TFDP2: variants seen among roughly 807,000 people sequenced by gnomAD.
The protein encoded by TFDP2 is transcription factor Dp-2, also known as transcription factor Dp-2 (E2F dimerization partner 2).
In TFDP2, 17 loss-of-function variants were observed where a neutral mutation model predicts 59.3. The ratio of observed to expected loss-of-function variants is 0.29; its 90% CI spans 0.20 to 0.43. The LOEUF is 0.43. Ranked by LOEUF, TFDP2 falls within the 20% of genes least tolerant of loss-of-function variation. The probability of loss-of-function intolerance (pLI) is 1.00; values close to 1 mark genes in which losing one functional copy is unlikely to be tolerated. For synonymous variants in TFDP2, 180 were observed against 194.7 expected (o/e 0.92, Z 0.63); for missense variants, 391 against 528.8 (o/e 0.74, Z 2.56).
At chr3:141,999,613 A>T (rs1943581803) in intron 4 of TFDP2, among the ~76,000 whole-genome samples, 1 of 152,200 alleles carries the variant, frequency 6.6e-6, no homozygotes, top group African/African-American at 2.4e-5. Flanking sequence ...AAAACTTTTC[A>T]TGGGGCCTTT....
At chr3:142,038,294 G>T (rs1229782340) in intron 3 of TFDP2, among the ~76,000 whole-genome samples, 1 of 146,896 alleles carries the variant, frequency 6.8e-6, no homozygotes, top group African/African-American at 2.5e-5. Context: ...TGAGGCAAGA[G>T]AATGGCGTGA....
intron 3 of TFDP2, among the ~76,000 whole-genome samples, chr3:142,072,732 TA>T (rs2060288556): frequency 6.6e-6 from 1 of 151,952 alleles, no homozygotes; most frequent in Non-Finnish European, 1.5e-5. Flanking sequence ...AGCAAGAAAA[TA>T]AAAGTAGTAT....
intron 3 of TFDP2, among the ~76,000 whole-genome samples, chr3:142,035,422 A>G (rs1946646842): frequency 6.6e-6 from 1 of 152,220 alleles, no homozygotes; most frequent in Admixed American, 6.5e-5. Context: ...AGTATGTCTA[A>G]TCAAGAGTCT....
chr3:142,022,067 T>G, intron 3 of TFDP2, among the ~76,000 whole-genome samples: 1 of 152,224 alleles, frequency 6.6e-6, no homozygotes, highest in East Asian at 1.9e-4. Context: ...TTCCTAGTTT[T>G]GAAATGTATC....
At chr3:141,956,466 C>A (rs1412303079) in intron 11 of TFDP2, among the ~76,000 whole-genome samples, 2 of 151,864 alleles carry the variant, frequency 1.3e-5, no homozygotes, top group African/African-American at 4.8e-5. Context: ...ACAGGAGAAT[C>A]GCCTGAACCC....
At chr3:141,953,758 A>G (rs11569281) in intron 11 of TFDP2, among the ~76,000 whole-genome samples, 10,873 of 146,856 alleles carry the variant, frequency 0.074, 516 homozygotes, top group Non-Finnish European at 0.11. Context: ...CATTAGGTAT[A>G]TCTCCTAATG....
chr3:142,103,662 G>A (rs187857486), intron 1 of TFDP2, among the ~76,000 whole-genome samples: 2 of 152,292 alleles, frequency 1.3e-5, no homozygotes, highest in Non-Finnish European at 2.9e-5. Context: ...GAATCTGGGT[G>A]AAGGGCATCT....
At chr3:142,039,968 G>A (rs550095654) in intron 3 of TFDP2, among the ~76,000 whole-genome samples, 2 of 152,282 alleles carry the variant, frequency 1.3e-5, no homozygotes, top group African/African-American at 4.8e-5. Context: ...CTCCAGACTA[G>A]GTTGACTCAA....
chr3:142,129,978 T>G (rs1296495801), intron 1 of TFDP2, among the ~76,000 whole-genome samples: 1 of 152,052 alleles, frequency 6.6e-6, no homozygotes, highest in East Asian at 1.9e-4. Context: ...AGAATACTTG[T>G]GCCCTGCTGG....
At chr3:142,073,231 A>T (rs1327036777) in intron 3 of TFDP2, among the ~76,000 whole-genome samples, 2 of 152,094 alleles carry the variant, frequency 1.3e-5, no homozygotes, top group Non-Finnish European at 2.9e-5. Context: ...CACCATGCCC[A>T]GTTAATTTTT....
intron 1 of TFDP2, among the ~76,000 whole-genome samples, chr3:142,132,573 G>A (rs56080851): frequency 0.085 from 12,713 of 148,824 alleles, 790 homozygotes; most frequent in Middle Eastern, 0.14. Flanking sequence ...ATGAAACCCC[G>A]TCTCTAGAAA....
At chr3:141,983,440 C>T (rs1941703465) in intron 6 of TFDP2, among the ~76,000 whole-genome samples, 1 of 151,936 alleles carries the variant, frequency 6.6e-6, no homozygotes, top group African/African-American at 2.4e-5. Context: ...AGTTAGAGAC[C>T]AGCCTGGCCA....
intron 3 of TFDP2, among the ~76,000 whole-genome samples, chr3:142,073,377 G>A (rs1242553872): frequency 6.9e-6 from 1 of 144,906 alleles, no homozygotes; most frequent in Admixed American, 7.4e-5. Flanking sequence ...TAAGCCTAAA[G>A]CTGTTCTAAA....
intron 3 of TFDP2, among the ~76,000 whole-genome samples, chr3:142,050,287 A>T (rs1474512983): frequency 6.6e-6 from 1 of 151,346 alleles, no homozygotes; most frequent in African/African-American, 2.4e-5. Flanking sequence ...TAATAAAAAA[A>T]AAAGATCCTT....
rs573906286 is a variant in TFDP2, at chr3:142,146,502, C to T, written c.-93+2681G>A. On this transcript the variant is annotated intron_variant, in intron 1 of 12. Coordinates refer to ENST00000489671, the MANE Select transcript of TFDP2 (RefSeq NM_001178139.2). Reference sequence around the variant, plus strand: ...TTTACATAACTTACTCAGGGTTACCCAGCTGATAAACTGCAGAGCTAGGAT... The same window carrying T: ...TTTACATAACTTACTCAGGGTTACCTAGCTGATAAACTGCAGAGCTAGGAT... Among the ~76,000 whole-genome samples, 3 of 152,228 alleles carry T rather than the reference C, an allele frequency of 2.0e-5. No homozygotes were observed. In the South Asian group the frequency reaches 6.2e-4, roughly 32 times the overall value.
chr3:142,104,214 C>G (rs2061403505), intron 1 of TFDP2, among the ~76,000 whole-genome samples: 1 of 152,106 alleles, frequency 6.6e-6, no homozygotes, highest in Non-Finnish European at 1.5e-5. Context: ...TATATCTGTT[C>G]TACATTTATC....
chr3:142,101,824 A>G lies in TFDP2; in HGVS notation c.-75T>C. Reference sequence around the variant, plus strand: ...AAGAAAAAAACCTTCGTCTTCAATAATTCTTTAAAAGAACAACCTGTTAAA... The same window carrying G: ...AAGAAAAAAACCTTCGTCTTCAATAGTTCTTTAAAAGAACAACCTGTTAAA... On this transcript the variant is annotated 5_prime_UTR_variant, in exon 2 of 13. Coordinates refer to ENST00000489671, the MANE Select transcript of TFDP2 (RefSeq NM_001178139.2). The G allele has an allele frequency of 1.1e-6, 1 of 887,050 alleles. No homozygotes were observed. Among genetic ancestry groups the G allele is most frequent in the Non-Finnish European group, 1.6e-6 (1 of 622,692 alleles). The allele number at this position is 887,050 out of a possible 1,614,324, so 54.9% of individuals were successfully genotyped here.
intron 9 of TFDP2, among the ~76,000 whole-genome samples, chr3:141,967,012 GT>G (rs1938192399): frequency 6.6e-6 from 1 of 151,656 alleles, no homozygotes; most frequent in African/African-American, 2.4e-5. Flanking sequence ...CGCCTCCCGG[GT>G]TCAAGTGAAT....
intron 1 of TFDP2, among the ~76,000 whole-genome samples, chr3:142,119,354 G>A (rs116456478): frequency 0.025 from 3,736 of 152,030 alleles, 83 homozygotes; most frequent in Non-Finnish European, 0.04. Context: ...AAAAGCAAAG[G>A]AATTAGACTA....
Sources: gnomAD v4.1 joint callset for allele counts (sites outside exome capture counted in the v4.1 genomes callset) on GRCh38, gnomAD v4.1.1 for gene constraint, MANE v1.5 for transcripts, NCBI Gene and HGNC (gene_info 2026-07-23, HGNC 2026-07-21) for gene names.